RIMS3: variants seen among roughly 807,000 people sequenced by gnomAD.
RIMS3 encodes regulating synaptic membrane exocytosis protein 3.
RIMS3 carries 15 observed loss-of-function variants against 29.2 expected under a neutral mutation model. The observed-to-expected ratio is 0.51, with a 90% confidence interval of 0.34 to 0.79. RIMS3 has a LOEUF of 0.79. Among genes scored for constraint, RIMS3 ranks in the 30% least tolerant of loss-of-function variants. The pLI is 0.01. For synonymous variants in RIMS3, 161 were observed against 170.1 expected, an observed-to-expected ratio of 0.95 and a Z score of 0.41; for missense variants, 342 against 421.4, an observed-to-expected ratio of 0.81 and a Z score of 1.65.
the RIMS3 span, among the ~76,000 whole-genome samples, chr1:40,686,508 T>G: frequency 1.3e-5 from 2 of 151,894 alleles, no homozygotes; most frequent in African/African-American, 4.8e-5. Context: ...TACAAAAAAA[T>G]TAGCCGAGCA....
chr1:40,636,384 C>G lies in RIMS3; in HGVS notation c.218-327G>C, dbSNP rs1468777723. 6.6e-6 allele frequency among the ~76,000 whole-genome samples: 1 copy of G among 152,218 alleles called. No individual in the cohort carries two copies. The highest frequency in any genetic ancestry group is 1.9e-4 in the East Asian group (1 of 5,198). On this transcript the variant is annotated intron_variant, in intron 3 of 7. Coordinates refer to ENST00000372684, the MANE Select transcript of RIMS3 (RefSeq NM_014747.3). The surrounding 1 kb of genome is among the most constrained non-coding windows in gnomAD (Gnocchi z 4.2). ...CTCATCAGGCTCCCCTGACGCCCAC[C>G]TTCCCACTCGATTTCAGCCCTTGCC...
rs748737065 is a variant in RIMS3, at chr1:40,633,139, G to C, written c.402C>G (p.Phe134Leu). The change falls in exon 5 of 8, where the codon TTC becomes TTG. Residue 134 changes from phenylalanine to leucine, a missense_variant. Phe to Leu is a conservative substitution (Grantham distance 22). Coordinates refer to ENST00000372684, the MANE Select transcript of RIMS3 (RefSeq NM_014747.3). ...GTCCCAGCCCATCCAGGAAATCGCT[G>C]AACTGGCTTTCAGCCCCTAGCCGGG... The part of the protein sequence containing the change: ...PTTRLGAESQ[F>L]SDFLDGLGPA... The C allele has an allele frequency of 6.2e-7, 1 of 1,614,150 alleles. No homozygotes were observed. Among genetic ancestry groups the C allele is most frequent in the Admixed American group, 1.7e-5 (1 of 60,022 alleles).
chr1:40,667,927 C>T (rs1056635763), upstream of RIMS3, among the ~76,000 whole-genome samples: 2 of 152,080 alleles, frequency 1.3e-5, no homozygotes, highest in East Asian at 3.9e-4. Context: ...CTAGCCTGGG[C>T]AACATGGCAA....
intron 3 of RIMS3, among the ~76,000 whole-genome samples, chr1:40,640,908 T>G (rs1646551574): frequency 6.6e-6 from 1 of 152,232 alleles, no homozygotes; most frequent in Non-Finnish European, 1.5e-5. Context: ...CTGTGTGGTT[T>G]GCATGACTGG....
At chr1:40,632,427 TA>T in intron 5 of RIMS3, among the ~76,000 whole-genome samples, 1 of 34,212 alleles carries the variant, frequency 2.9e-5, no homozygotes, top group South Asian at 5.3e-4. Flanking sequence ...TTTATATATA[TA>T]TATATATATA....
At chr1:40,666,488 C>A (rs1044340129), upstream of RIMS3, among the ~76,000 whole-genome samples, 2 of 152,160 alleles carry the variant, frequency 1.3e-5, no homozygotes, top group African/African-American at 4.8e-5. Flanking sequence ...TGGCATCTGC[C>A]TATATAAACT....
At chr1:40,660,439 A>G (rs1303751093) in intron 1 of RIMS3, among the ~76,000 whole-genome samples, 2 of 149,642 alleles carry the variant, frequency 1.3e-5, no homozygotes, top group Admixed American at 6.7e-5. Flanking sequence ...GTGCAGTGGC[A>G]TGAACATGGC....
rs1283336693 is a variant in RIMS3, at chr1:40,629,473, A to G, written c.473-101T>C. 4 of 970,834 alleles carry G rather than the reference A, an allele frequency of 4.1e-6. No individual in the cohort carries two copies. The African/African-American group carries it at 6.4e-5, about 16-fold the overall frequency. 60.1% of individuals were successfully genotyped at this position (970,834 alleles called of 1,614,324 possible). ...AGCCTGTGGAGGAGGCTACATCATC[A>G]CTAGAAAGGGAACAAGATGGCACCA... On this transcript the variant is annotated intron_variant, in intron 5 of 7. Transcript: ENST00000372684.
intron 2 of RIMS3, among the ~76,000 whole-genome samples, chr1:40,644,060 G>GT (rs1349908073): frequency 1.2e-5 from 1 of 86,196 alleles, no homozygotes; most frequent in East Asian, 2.8e-4. Flanking sequence ...TACAAGAAAG[G>GT]TGGGGGGCTC....
chr1:40,641,093 G>A (rs962773425), intron 3 of RIMS3, among the ~76,000 whole-genome samples: 1 of 152,210 alleles, frequency 6.6e-6, no homozygotes, highest in South Asian at 2.1e-4. Flanking sequence ...CTGCATTTGT[G>A]TGGCTATTTG....
chr1:40,629,637 C>A lies in RIMS3; in HGVS notation c.473-265G>T, dbSNP rs1646477065. On this transcript the variant is annotated intron_variant, in intron 5 of 7. Transcript: ENST00000372684. ...GGTAACAACAGATGGCTGCCAAACC[C>A]CCATTTGTGTCTGGCTAACTGAGAG... Among the ~76,000 whole-genome samples the A allele has an allele frequency of 5.3e-5, 8 of 152,242 alleles. No individual in the cohort carries two copies. The South Asian group carries it at 1.7e-3, about 32-fold the overall frequency.
intron 1 of RIMS3, among the ~76,000 whole-genome samples, chr1:40,652,857 T>C (rs1200742553): frequency 6.6e-6 from 1 of 152,166 alleles, no homozygotes; most frequent in Non-Finnish European, 1.5e-5. Flanking sequence ...GCTACATCCA[T>C]GCAGGAAGAA....
rs1233230203 is a variant in RIMS3, at chr1:40,635,844, A to G, written c.359+72T>C. 6.3e-7 allele frequency: 1 copy of G among 1,579,032 alleles called. No homozygotes were observed. Among genetic ancestry groups the G allele is most frequent in the African/African-American group, 1.3e-5 (1 of 74,258 alleles). ...GGAAACAAAACAGGGAGGCTTTCCC[A>G]CCCTGCCCAGTGGCTCTGTGACTGG... On this transcript the variant is annotated intron_variant, in intron 4 of 7. Transcript: ENST00000372684. This position sits in a 1 kb window ranked among gnomAD's most constrained non-coding sequence, Gnocchi z 4.1.
chr1:40,682,276 C>G, the RIMS3 span, among the ~76,000 whole-genome samples: 1 of 152,170 alleles, frequency 6.6e-6, no homozygotes, highest in Non-Finnish European at 1.5e-5. Flanking sequence ...TATTATGGTA[C>G]CAGGCACTTA....
At position 40,642,643 on chromosome 1, in the gene RIMS3, CCTA is replaced by C. The variant is rs138628390; in HGVS notation, c.-31-690_-31-688del. ...TCATACTGCAAATATCATTTTATAT[CCTA>C]CTATTTTTTCATTTAACATTATATC... On this transcript the variant is annotated intron_variant, in intron 2 of 7. Transcript: ENST00000372684. Among the ~76,000 whole-genome samples the C allele has an allele frequency of 7.9e-4, 120 of 152,242 alleles. 4 individuals are homozygous for C. In the East Asian group the frequency reaches 0.016, roughly 21 times the overall value.
At position 40,635,528 on chromosome 1, in the gene RIMS3, C is replaced by T. The variant is rs1397265312; in HGVS notation, c.359+388G>A. On this transcript the variant is annotated intron_variant, in intron 4 of 7. Coordinates refer to ENST00000372684, the MANE Select transcript of RIMS3 (RefSeq NM_014747.3). The surrounding 1 kb of genome is among the most constrained non-coding windows in gnomAD (Gnocchi z 4.1). ...CTTCCCTCAGCTCTAAGCAAGCCTC[C>T]TTGAGAAAATTCCACTCATCTGGGC... is the stretch of plus-strand genomic sequence containing the variant. Among the ~76,000 whole-genome samples, 1 of 152,184 alleles carries T rather than the reference C, an allele frequency of 6.6e-6. No homozygotes were observed. The highest frequency in any genetic ancestry group is 1.5e-5 in the Non-Finnish European group (1 of 68,036).
intron 1 of RIMS3, among the ~76,000 whole-genome samples, chr1:40,656,525 T>C (rs571811694): frequency 4.6e-5 from 7 of 152,300 alleles, no homozygotes; most frequent in African/African-American, 1.4e-4. Context: ...GGCTCACGCC[T>C]GTAATCCTAG....
intron 1 of RIMS3, among the ~76,000 whole-genome samples, chr1:40,653,249 G>A (rs989223905): frequency 2.0e-5 from 3 of 152,316 alleles, no homozygotes; most frequent in Admixed American, 1.3e-4. Flanking sequence ...AGAATGCCCA[G>A]AAGAGAGCAG....
chr1:40,626,152 T>G lies in RIMS3; in HGVS notation c.*365A>C, dbSNP rs1299062096. The G allele has an allele frequency of 5.8e-6, 2 of 347,256 alleles. No individual in the cohort carries two copies. Among genetic ancestry groups the G allele is most frequent in the African/African-American group, 4.2e-5 (2 of 47,268 alleles). The allele number at this position is 347,256 out of a possible 1,614,324, so 21.5% of individuals were successfully genotyped here. A position where few individuals can be genotyped will look rare whatever the true frequency, so the allele number is the denominator to read the frequency against. ...GCCAGGACCAGGCAGCACCGACCAGTGGCCGCATGCCCCACCTCCATCCCT... is the reference window on the plus strand; with the variant it reads ...GCCAGGACCAGGCAGCACCGACCAGGGGCCGCATGCCCCACCTCCATCCCT... On this transcript the variant is annotated 3_prime_UTR_variant, in exon 8 of 8. Transcript: ENST00000372684.
Sources: allele counts gnomAD v4.1 joint callset (sites outside exome capture counted in the v4.1 genomes callset), GRCh38; gene constraint gnomAD v4.1.1; non-coding constraint Gnocchi (gnomAD v3.1); transcripts MANE v1.5; gene names NCBI Gene and HGNC (gene_info 2026-07-23, HGNC 2026-07-21).